Variants in RCOR1 observed in about 807,000 individuals in gnomAD.
RCOR1 encodes REST corepressor.
In RCOR1, 12 loss-of-function variants were observed where a neutral mutation model predicts 64.0. That is an observed-to-expected ratio of 0.19 (90% CI 0.12 to 0.30). The LOEUF (loss-of-function observed/expected upper bound fraction) is 0.30, where lower values mean the gene tolerates loss of function less well. Ranked by LOEUF, RCOR1 falls within the 10% of genes least tolerant of loss-of-function variation. The pLI is 1.00. For synonymous variants in RCOR1, 279 were observed against 227.2 expected (o/e 1.23, Z -2.05); for missense variants, 502 against 621.2 (o/e 0.81, Z 2.04).
intron 2 of RCOR1, among the ~76,000 whole-genome samples, chr14:102,668,723 G>GT (rs1390020599): frequency 1.3e-5 from 2 of 151,950 alleles, no homozygotes; most frequent in Non-Finnish European, 2.9e-5. Flanking sequence ...AAATGTTTCT[G>GT]TTTTTTAAAA....
At chr14:102,615,656 C>T (rs545242937) in intron 2 of RCOR1, among the ~76,000 whole-genome samples, 1 of 152,074 alleles carries the variant, frequency 6.6e-6, no homozygotes, top group African/African-American at 2.4e-5. Flanking sequence ...CCATGTTGGT[C>T]AGGCTGGTCT....
At chr14:102,597,351 C>CA (rs2139875377) in intron 2 of RCOR1, among the ~76,000 whole-genome samples, 1 of 150,254 alleles carries the variant, frequency 6.7e-6, no homozygotes, top group Non-Finnish European at 1.5e-5. Flanking sequence ...TTTTTTGAGA[C>CA]AGAGTCTCGC....
Position 102,706,869 on chromosome 14 carries a change from G to C in RCOR1, c.499-482G>C, listed in dbSNP as rs961087447. Reference sequence around the variant, plus strand: ...AATAAATTTTTTAAAATTTATTTTAGAAGAATTATTTATAGTTTCTCTGTG... The same window carrying C: ...AATAAATTTTTTAAAATTTATTTTACAAGAATTATTTATAGTTTCTCTGTG... On this transcript the variant is annotated intron_variant, in intron 4 of 11. Transcript: ENST00000262241. Among the ~76,000 whole-genome samples the C allele has an allele frequency of 4.6e-5, 7 of 151,416 alleles. 1 individual carries two copies. Among genetic ancestry groups the C allele is most frequent in the Admixed American group, 2.6e-4 (4 of 15,214 alleles).
At chr14:102,662,511 T>C (rs1344695215) in intron 2 of RCOR1, 4 of 518,048 alleles carry the variant, frequency 7.7e-6, no homozygotes, top group South Asian at 2.9e-5. Context: ...TTGTTTCTCC[T>C]GGGGGCGCTC....
At chr14:102,704,248 C>T (rs1227341069) in intron 4 of RCOR1, among the ~76,000 whole-genome samples, 2 of 152,214 alleles carry the variant, frequency 1.3e-5, no homozygotes, top group Non-Finnish European at 2.9e-5. Context: ...GAGAGCTCTG[C>T]TCATTCCAGT....
chr14:102,592,963 C>G lies in RCOR1; in HGVS notation c.77C>G (p.Ser26Cys). 8.7e-7 allele frequency: 1 copy of G among 1,149,706 alleles called. No individual in the cohort carries two copies. 71.2% of individuals were successfully genotyped at this position (1,149,706 alleles called of 1,614,324 possible). ...RGRNNAAASA[S>C]AAAASAAASA... The stretch of plus-strand genomic sequence containing the variant: ...AGGAACAACGCGGCCGCCTCCGCCT[C>G]CGCCGCCGCCGCCTCCGCCGCCGCC... The change falls in exon 1 of 12, where the codon TCC becomes TGC. Residue 26 changes from serine (S) to cysteine (C), a missense_variant. Ser to Cys is a moderately radical substitution (Grantham distance 112). Coordinates refer to ENST00000262241, the MANE Select transcript of RCOR1 (RefSeq NM_015156.4).
intron 5 of RCOR1, among the ~76,000 whole-genome samples, chr14:102,708,122 C>T (rs775096761): frequency 3.3e-5 from 5 of 152,114 alleles, no homozygotes; most frequent in Admixed American, 1.3e-4. Flanking sequence ...CCCGCTACCA[C>T]GCCCGGCTAA....
At chr14:102,645,995 C>CT (rs1488549946) in intron 2 of RCOR1, among the ~76,000 whole-genome samples, 1 of 151,596 alleles carries the variant, frequency 6.6e-6, no homozygotes, top group African/African-American at 2.4e-5. Flanking sequence ...TCTGTATTAC[C>CT]TTTTATGATG....
intron 2 of RCOR1, among the ~76,000 whole-genome samples, chr14:102,665,066 A>G (rs1385679556): frequency 6.6e-6 from 1 of 151,984 alleles, no homozygotes; most frequent in Non-Finnish European, 1.5e-5. Flanking sequence ...GCTGGAATGC[A>G]GTGGCGCAAT....
chr14:102,684,744 A>G (rs1259079511), intron 3 of RCOR1, among the ~76,000 whole-genome samples: 2 of 152,180 alleles, frequency 1.3e-5, no homozygotes, highest in South Asian at 2.1e-4. Flanking sequence ...ATGTATTTAT[A>G]TAAGTGAGAT....
At chr14:102,679,745 T>C (rs1895264642) in intron 2 of RCOR1, among the ~76,000 whole-genome samples, 1 of 152,256 alleles carries the variant, frequency 6.6e-6, no homozygotes, top group Non-Finnish European at 1.5e-5. Context: ...CCCAAAGTGC[T>C]GGGATTACAG....
intron 2 of RCOR1, among the ~76,000 whole-genome samples, chr14:102,647,173 G>C (rs933342632): frequency 2.0e-5 from 3 of 152,164 alleles, no homozygotes; most frequent in African/African-American, 7.2e-5. Context: ...TGAGATTTCA[G>C]AACACTGAGA....
chr14:102,651,315 G>A (rs576367058), intron 2 of RCOR1, among the ~76,000 whole-genome samples: 1 of 152,270 alleles, frequency 6.6e-6, no homozygotes, highest in South Asian at 2.1e-4. Context: ...AGCACTTTAG[G>A]AGGCCGAGGA....
chr14:102,722,183 T>C lies in RCOR1; in HGVS notation c.1190-4T>C. 1 of 1,610,934 alleles carries C rather than the reference T, an allele frequency of 6.2e-7. No homozygotes were observed. On this transcript the variant is annotated splice_region_variant and splice_polypyrimidine_tract_variant and intron_variant, in intron 10 of 11. Coordinates refer to ENST00000262241, the MANE Select transcript of RCOR1 (RefSeq NM_015156.4). ...TTTTAAAAAATGCTTTCTTACATCC[T>C]TAGCCATCAGGAAATATGGCCGAGA...
At chr14:102,634,601 C>CATGT (rs35215502) in intron 2 of RCOR1, among the ~76,000 whole-genome samples, 7 of 150,720 alleles carry the variant, frequency 4.6e-5, no homozygotes, top group Non-Finnish European at 7.4e-5. Context: ...GTTTATATTA[C>CATGT]GTGTGTGTGT....
rs1237872248 is a variant in RCOR1, at chr14:102,726,826, T to C, written c.*320T>C. On this transcript the variant is annotated 3_prime_UTR_variant, in exon 12 of 12. Coordinates refer to ENST00000262241, the MANE Select transcript of RCOR1 (RefSeq NM_015156.4). ...CCCGAGCCCCACCAATGGCAGCTCT[T>C]CCCAGTCAGCAGCTTCAGAGCAGGC... is the stretch of plus-strand genomic sequence containing the variant. 1 of 338,066 alleles carries C rather than the reference T, an allele frequency of 3.0e-6. No homozygotes were observed. The highest frequency in any genetic ancestry group is 5.3e-6 in the Non-Finnish European group (1 of 187,168). 20.9% of individuals were successfully genotyped at this position (338,066 alleles called of 1,614,324 possible).
chr14:102,598,595 CT>C (rs1893317683), intron 2 of RCOR1, among the ~76,000 whole-genome samples: 2 of 151,746 alleles, frequency 1.3e-5, no homozygotes, highest in Non-Finnish European at 2.9e-5. Flanking sequence ...CTACAGGCGC[CT>C]GCCACCACGC....
At chr14:102,684,335 T>C (rs753722019) in intron 3 of RCOR1, among the ~76,000 whole-genome samples, 62 of 152,318 alleles carry the variant, frequency 4.1e-4, no homozygotes, top group Middle Eastern at 6.8e-3. Context: ...CAGACATACC[T>C]TTCAGGGAAA....
chr14:102,723,531 G>A (rs1033510948), intron 11 of RCOR1, among the ~76,000 whole-genome samples: 9 of 152,304 alleles, frequency 5.9e-5, no homozygotes, highest in South Asian at 2.1e-4. Context: ...AGTGTACCAC[G>A]TCTATAATAT....
Sources: allele counts gnomAD v4.1 joint callset (sites outside exome capture counted in the v4.1 genomes callset), GRCh38; gene constraint gnomAD v4.1.1; transcripts MANE v1.5; gene names NCBI Gene and HGNC (gene_info 2026-07-23, HGNC 2026-07-21).